Variants in ANK1 observed in about 807,000 individuals in gnomAD.
ANK1 encodes ankyrin-1.
In ANK1, 51 loss-of-function variants were observed where a neutral mutation model predicts 210.4. That is an observed-to-expected ratio of 0.24 (90% confidence interval 0.19 to 0.31). ANK1 has a LOEUF of 0.31. ANK1 is among the 10% of genes least tolerant of loss of function. ANK1 has a pLI of 1.00. For missense variants in ANK1, 2,051 were observed against 2,504.4 expected (o/e 0.82, Z 3.86); for synonymous variants, 967 against 1,025.9 (o/e 0.94, Z 1.10).
chr8:41,748,706 G>A (rs191356915), intron 2 of ANK1, among the ~76,000 whole-genome samples: 15 of 152,300 alleles, frequency 9.8e-5, no homozygotes, highest in Non-Finnish European at 1.6e-4. Context: ...TCTTTGACTG[G>A]CTGGCTCTTG....
intron 1 of ANK1, among the ~76,000 whole-genome samples, chr8:41,872,286 G>A (rs920076235): frequency 1.3e-5 from 2 of 152,248 alleles, no homozygotes; most frequent in African/African-American, 4.8e-5. Flanking sequence ...GTCCCAGTGA[G>A]CGTACACAGC....
At chr8:41,787,746 T>G (rs973887295) in intron 1 of ANK1, among the ~76,000 whole-genome samples, 1 of 151,654 alleles carries the variant, frequency 6.6e-6, no homozygotes, top group Non-Finnish European at 1.5e-5. Context: ...GCCCAGGAGG[T>G]GGAGGCTGCA....
chr8:41,858,985 G>A (rs1812726027), intron 1 of ANK1, among the ~76,000 whole-genome samples: 1 of 152,218 alleles, frequency 6.6e-6, no homozygotes, highest in South Asian at 2.1e-4. Flanking sequence ...GCAGAGGGGC[G>A]GCGCCCAGCC....
At chr8:41,708,044 C>T (rs554913886) in intron 17 of ANK1, among the ~76,000 whole-genome samples, 49 of 152,238 alleles carry the variant, frequency 3.2e-4, no homozygotes, top group African/African-American at 9.6e-4. Context: ...TGACTGCTAA[C>T]GGGTACGAGG....
intron 30 of ANK1, 63 bp from the exon 31 acceptor site, chr8:41,692,939 A>G (rs1819687619): frequency 1.3e-6 from 2 of 1,566,014 alleles, no homozygotes; most frequent in East Asian, 2.2e-5. Context: ...TTCCATCCAG[A>G]CGGGAGCAGC....
chr8:41,699,010 G>T (rs1001807481), intron 23 of ANK1, among the ~76,000 whole-genome samples: 2 of 152,066 alleles, frequency 1.3e-5, no homozygotes, highest in Non-Finnish European at 2.9e-5. Flanking sequence ...TGTTGGTCAG[G>T]CTGGTCACGA....
chr8:41,664,905 A>C (rs1180527079), intron 39 of ANK1: 1 of 1,614,222 alleles, frequency 6.2e-7, no homozygotes, highest in South Asian at 1.1e-5. Context: ...CTCCTGGTGG[A>C]TGTGCTTTAG....
chr8:41,864,947 G>A (rs1563929989), intron 1 of ANK1, among the ~76,000 whole-genome samples: 1 of 152,206 alleles, frequency 6.6e-6, no homozygotes, highest in Non-Finnish European at 1.5e-5. Flanking sequence ...TCAGAGCACT[G>A]ACCAACCAGA....
intron 2 of ANK1, among the ~76,000 whole-genome samples, chr8:41,734,826 C>T (rs1028484635): frequency 6.6e-6 from 1 of 151,918 alleles, no homozygotes; most frequent in African/African-American, 2.4e-5. Flanking sequence ...TCACCTGAGC[C>T]CAGGAGTTTG....
chr8:41,857,265 G>A (rs1467577082), intron 1 of ANK1, among the ~76,000 whole-genome samples: 3 of 147,266 alleles, frequency 2.0e-5, no homozygotes, highest in Admixed American at 6.9e-5. Context: ...TCTTTGACTC[G>A]TTTCTTGGTG....
intron 1 of ANK1, among the ~76,000 whole-genome samples, chr8:41,866,915 C>G (rs1223523164): frequency 6.6e-6 from 1 of 152,248 alleles, no homozygotes; most frequent in Non-Finnish European, 1.5e-5. Context: ...CTGCAGCGAA[C>G]ATGGGTGTAC....
At chr8:41,855,752 G>A (rs1030643014) in intron 1 of ANK1, among the ~76,000 whole-genome samples, 3 of 152,052 alleles carry the variant, frequency 2.0e-5, no homozygotes, top group Non-Finnish European at 2.9e-5. Flanking sequence ...TCCTTTCCCC[G>A]GCATCAGCAA....
At position 41,767,582 on chromosome 8, in the gene ANK1, T is replaced by G. The variant is rs375500397; in HGVS notation, c.28-9445A>C. Among the ~76,000 whole-genome samples, 5 of 152,156 alleles carry G rather than the reference T, an allele frequency of 3.3e-5. No individual in the cohort carries two copies. The East Asian group carries it at 9.7e-4, about 30-fold the overall frequency. ...ATGGGATCTCTTCATTTTCTCTCCA[T>G]GATTATGTCAGATGGGAAAGTTAAT... is the stretch of plus-strand genomic sequence containing the variant. On this transcript the variant is annotated intron_variant, in intron 1 of 42. Coordinates refer to ENST00000289734, the MANE Select transcript of ANK1 (RefSeq NM_000037.4).
intron 1 of ANK1, among the ~76,000 whole-genome samples, chr8:41,892,734 G>A (rs1309834500): frequency 6.6e-6 from 1 of 152,096 alleles, no homozygotes; most frequent in Non-Finnish European, 1.5e-5. Context: ...TCATTCACCG[G>A]AACACATGCC....
rs1374377669 is a variant in ANK1, at chr8:41,701,890, C to G, written c.2388+162G>C. Reference sequence around the variant, plus strand: ...GTCCTCGGGCCGCTAGGTGGCAGCACAGCCCCGCTGGAAGGAGGACAAGCT... The same window carrying G: ...GTCCTCGGGCCGCTAGGTGGCAGCAGAGCCCCGCTGGAAGGAGGACAAGCT... On this transcript the variant is annotated intron_variant, in intron 21 of 42. Transcript: ENST00000289734. Among the ~76,000 whole-genome samples, 3 of 152,370 alleles carry G rather than the reference C, an allele frequency of 2.0e-5. No homozygotes were observed. The East Asian group carries it at 5.8e-4, about 29-fold the overall frequency.
intron 26 of ANK1, among the ~76,000 whole-genome samples, 187 bp from the exon 27 acceptor site, chr8:41,695,518 C>T (rs1235332569): frequency 3.3e-5 from 5 of 152,188 alleles, no homozygotes; most frequent in Admixed American, 2.6e-4. Flanking sequence ...CTTCCCATGG[C>T]CCCGCTTGCT....
chr8:41,747,632 C>T lies in ANK1; in HGVS notation c.129+10404G>A, dbSNP rs566097052. On this transcript the variant is annotated intron_variant, in intron 2 of 42. Coordinates refer to ENST00000289734, the MANE Select transcript of ANK1 (RefSeq NM_000037.4). Reference sequence around the variant, plus strand: ...CAATGCACCTTCATGGAACCTGCCACACACAGGCCTATCTTTTTTCTTTGT... The same window carrying T: ...CAATGCACCTTCATGGAACCTGCCATACACAGGCCTATCTTTTTTCTTTGT... Among the ~76,000 whole-genome samples, 20 of 152,304 alleles carry T rather than the reference C, an allele frequency of 1.3e-4. No homozygotes were observed. The South Asian group carries it at 3.9e-3, about 30-fold the overall frequency.
intron 11 of ANK1, 89 bp downstream of exon 11, chr8:41,718,017 C>T: frequency 8.0e-7 from 1 of 1,244,170 alleles, no homozygotes; most frequent in Non-Finnish European, 1.2e-6. Context: ...CCCCTGCAGC[C>T]ATACAAAGCT....
intron 16 of ANK1, among the ~76,000 whole-genome samples, chr8:41,712,122 A>G (rs1000570249): frequency 2.0e-5 from 3 of 152,050 alleles, no homozygotes; most frequent in Admixed American, 6.6e-5. Context: ...ACGGGGTTTC[A>G]CCATGTTGGC....
Sources: allele counts gnomAD v4.1 joint callset (sites outside exome capture counted in the v4.1 genomes callset), GRCh38; gene constraint gnomAD v4.1.1; transcripts MANE v1.5; gene names NCBI Gene and HGNC (gene_info 2026-07-23, HGNC 2026-07-21).